The following BMPR1B variants were observed in gnomAD, a reference collection of about 807,000 sequenced individuals.
BMPR1B encodes the protein bone morphogenetic protein receptor type 1B.
A neutral mutation model predicts 59.1 loss-of-function variants in BMPR1B; 12 were observed. The observed-to-expected ratio is 0.20, with a 90% confidence interval of 0.13 to 0.33. The LOEUF (loss-of-function observed/expected upper bound fraction) is 0.33, where lower values mean the gene tolerates loss of function less well. BMPR1B is among the 10% of genes least tolerant of loss of function. The pLI, the probability that BMPR1B is intolerant of heterozygous loss-of-function variation, is 1.00. For synonymous variants in BMPR1B, 237 were observed against 207.3 expected (o/e 1.14, Z -1.23); for missense variants, 550 against 610.9 (o/e 0.90, Z 1.05).
intron 3 of BMPR1B, among the ~76,000 whole-genome samples, chr4:95,067,571 C>A (rs1351213879): frequency 6.6e-6 from 1 of 152,070 alleles, no homozygotes; most frequent in Non-Finnish European, 1.5e-5. Flanking sequence ...TGGTCTCTGC[C>A]CTGCATGAAC....
chr4:95,138,475 T>G (rs1467813992), intron 10 of BMPR1B, among the ~76,000 whole-genome samples: 1 of 152,192 alleles, frequency 6.6e-6, no homozygotes, highest in African/African-American at 2.4e-5. Flanking sequence ...TTGGGGAAGT[T>G]CTCCTGGATA....
At chr4:94,758,872 C>T (rs898374360) in intron 1 of BMPR1B, among the ~76,000 whole-genome samples, 1 of 152,016 alleles carries the variant, frequency 6.6e-6, no homozygotes, top group African/African-American at 2.4e-5. Context: ...CCAGTGTGTC[C>T]CTCCTCTGTC....
chr4:94,965,834 T>A (rs1730535112), intron 2 of BMPR1B, among the ~76,000 whole-genome samples: 1 of 152,126 alleles, frequency 6.6e-6, no homozygotes, highest in Admixed American at 6.5e-5. Context: ...GATAAACACA[T>A]CTTAAGGCAC....
intron 1 of BMPR1B, among the ~76,000 whole-genome samples, chr4:94,844,955 A>G (rs1459024609): frequency 1.3e-5 from 2 of 152,220 alleles, no homozygotes; most frequent in Non-Finnish European, 2.9e-5. Context: ...GTCCTTCTTC[A>G]AGGAAAATCC....
At chr4:94,766,086 A>G (rs540501888) in intron 1 of BMPR1B, among the ~76,000 whole-genome samples, 1 of 152,324 alleles carries the variant, frequency 6.6e-6, no homozygotes, top group East Asian at 1.9e-4. Context: ...AGTAAACACA[A>G]GCGTTTGATA....
At chr4:94,877,828 A>C (rs1726788955) in intron 2 of BMPR1B, among the ~76,000 whole-genome samples, 1 of 152,202 alleles carries the variant, frequency 6.6e-6, no homozygotes, top group Non-Finnish European at 1.5e-5. Context: ...ATAATAGAAT[A>C]ATTAAAACAG....
chr4:94,883,599 CA>C (rs1321115650), intron 2 of BMPR1B, among the ~76,000 whole-genome samples: 1 of 151,232 alleles, frequency 6.6e-6, no homozygotes, highest in Non-Finnish European at 1.5e-5. Flanking sequence ...TTTTATAATT[CA>C]ATATATATAT....
chr4:95,097,941 G>A (rs556874633), intron 3 of BMPR1B, among the ~76,000 whole-genome samples: 2 of 152,208 alleles, frequency 1.3e-5, no homozygotes, highest in East Asian at 3.9e-4. Flanking sequence ...ATACCTTCCA[G>A]TTGTTTTCAA....
chr4:94,798,246 C>G (rs1267599639), intron 1 of BMPR1B, among the ~76,000 whole-genome samples: 2 of 152,148 alleles, frequency 1.3e-5, no homozygotes, highest in Admixed American at 1.3e-4. Flanking sequence ...CTTTGATAAG[C>G]GTTTGCAGTC....
chr4:95,000,750 A>G (rs940079703), intron 3 of BMPR1B, among the ~76,000 whole-genome samples: 5 of 152,216 alleles, frequency 3.3e-5, no homozygotes, highest in Admixed American at 6.5e-5. Flanking sequence ...AACAACAAAC[A>G]TAAGCAAAAA....
intron 2 of BMPR1B, among the ~76,000 whole-genome samples, chr4:94,882,737 A>C (rs529242509): frequency 8.6e-4 from 131 of 152,294 alleles, no homozygotes; most frequent in Non-Finnish European, 1.6e-3. Flanking sequence ...GGGTCTTCAG[A>C]TCTCCTTCTG....
At position 94,862,101 on chromosome 4, in the gene BMPR1B, TA is replaced by T. The variant is rs565580056; in HGVS notation, c.-182-13718del. On this transcript the variant is annotated intron_variant, in intron 1 of 12. Coordinates refer to ENST00000515059, the MANE Select transcript of BMPR1B (RefSeq NM_001203.3). The stretch of plus-strand genomic sequence containing the variant: ...CCTAATCTTGACTTTGAAAAGCCTT[TA>T]AAAAAAAAAAAGACACAATGACTTG... 5.3e-3 allele frequency among the ~76,000 whole-genome samples: 761 copies of T among 143,688 alleles called. 4 individuals carry two copies. The highest frequency in any genetic ancestry group is 0.014 in the South Asian group (65 of 4,502). The allele number at this position is 143,688 out of a possible 152,430, so 94.3% of individuals were successfully genotyped here. A position where few individuals can be genotyped will look rare whatever the true frequency, so the allele number is the denominator to read the frequency against.
At chr4:95,130,723 CTTTTTT>C (rs148720302) in intron 9 of BMPR1B, among the ~76,000 whole-genome samples, 2 of 77,938 alleles carry the variant, frequency 2.6e-5, no homozygotes, top group Non-Finnish European at 4.5e-5. Flanking sequence ...CTTTTCTTTT[CTTTTTT>C]TTTTTTTTTT....
At chr4:95,075,242 C>T (rs1728614535) in intron 3 of BMPR1B, among the ~76,000 whole-genome samples, 1 of 152,112 alleles carries the variant, frequency 6.6e-6, no homozygotes, top group South Asian at 2.1e-4. Context: ...ATCTGTTCTT[C>T]TCAGAGTCTG....
chr4:94,906,459 T>C lies in BMPR1B; in HGVS notation c.-113+30559T>C, dbSNP rs570669830. 4.6e-5 allele frequency among the ~76,000 whole-genome samples: 7 copies of C among 152,108 alleles called. No homozygotes were observed. In the South Asian group the frequency reaches 1.5e-3, roughly 32 times the overall value. ...CTCTTAAGGGGCAACAGCCCTAAAG[T>C]AAAAACATTTTATGACTGGCCAGTA... On this transcript the variant is annotated intron_variant, in intron 2 of 12. Transcript: ENST00000515059.
chr4:94,928,577 T>A (rs889353120), intron 2 of BMPR1B, among the ~76,000 whole-genome samples: 128 of 151,492 alleles, frequency 8.4e-4, no homozygotes, highest in African/African-American at 2.8e-3. Flanking sequence ...AAGGCTGGGT[T>A]GTTTTTTTTT....
At chr4:95,137,910 A>G (rs1445263775) in intron 10 of BMPR1B, among the ~76,000 whole-genome samples, 1 of 152,132 alleles carries the variant, frequency 6.6e-6, no homozygotes, top group East Asian at 1.9e-4. Flanking sequence ...ATTTACATTT[A>G]AGGTTAATAT....
At chr4:95,058,504 T>C (rs1727098940) in intron 3 of BMPR1B, among the ~76,000 whole-genome samples, 1 of 152,172 alleles carries the variant, frequency 6.6e-6, no homozygotes, top group Non-Finnish European at 1.5e-5. Context: ...ACTTCCATGA[T>C]GTAGAAACTG....
chr4:94,887,691 A>G (rs1560532789), intron 2 of BMPR1B, among the ~76,000 whole-genome samples: 1 of 152,024 alleles, frequency 6.6e-6, no homozygotes, highest in Non-Finnish European at 1.5e-5. Context: ...AAAACAGGAA[A>G]AAGACCAAGA....
Sources: gnomAD v4.1 joint callset for allele counts (sites outside exome capture counted in the v4.1 genomes callset) on GRCh38, gnomAD v4.1.1 for gene constraint, MANE v1.5 for transcripts, NCBI Gene and HGNC (gene_info 2026-07-23, HGNC 2026-07-21) for gene names.